Variants in ATP5F1C observed in about 807,000 individuals in gnomAD.
ATP5F1C encodes the protein ATP synthase F1 subunit gamma, also known as ATP synthase F(1) complex subunit gamma, mitochondrial.
A neutral mutation model predicts 37.4 loss-of-function variants in ATP5F1C; 22 were observed. The observed-to-expected ratio is 0.59, with a 90% confidence interval of 0.42 to 0.84. ATP5F1C has a LOEUF of 0.84. ATP5F1C is among the 40% of genes least tolerant of loss of function. The pLI is 0.00. For missense variants in ATP5F1C, 286 were observed against 362.4 expected, an observed-to-expected ratio of 0.79 and a Z score of 1.71; for synonymous variants, 121 against 128.0, an observed-to-expected ratio of 0.95 and a Z score of 0.37.
chr10:7,806,623 C>A (rs1836487006), intron 8 of ATP5F1C, among the ~76,000 whole-genome samples: 1 of 149,284 alleles, frequency 6.7e-6, no homozygotes. Context: ...CACTGCACTC[C>A]AGCCTGGGCA....
chr10:7,789,761 TA>T (rs1350427914), intron 1 of ATP5F1C, among the ~76,000 whole-genome samples: 1 of 152,362 alleles, frequency 6.6e-6, no homozygotes, highest in African/African-American at 2.4e-5. Context: ...AGTTGATCTT[TA>T]AAAAAGTGGA....
rs769532551 is a variant in ATP5F1C, at chr10:7,788,194, G to A, written c.-14G>A. On this transcript the variant is annotated 5_prime_UTR_variant, in exon 1 of 10. Transcript: ENST00000356708. ...AGGCCTGCCTGACCGACCTTCAGCA[G>A]GGCTGTGGCTACCATGTTCTCTCGC... 5 of 1,612,924 alleles carry A rather than the reference G, an allele frequency of 3.1e-6. No homozygotes were observed. The African/African-American group carries it at 5.3e-5, about 17-fold the overall frequency.
intron 1 of ATP5F1C, among the ~76,000 whole-genome samples, chr10:7,788,828 T>C (rs914722019): frequency 1.2e-4 from 18 of 151,766 alleles, no homozygotes; most frequent in Non-Finnish European, 1.0e-4. Context: ...GCGAACATCC[T>C]AGATGCCTCT....
intron 8 of ATP5F1C, among the ~76,000 whole-genome samples, chr10:7,806,204 AC>A (rs1836476925): frequency 1.3e-5 from 2 of 152,238 alleles, no homozygotes; most frequent in South Asian, 4.1e-4. Context: ...ATGCTCTGTA[AC>A]CTATCAGTTA....
chr10:7,804,028 AT>A (rs1422002701), intron 8 of ATP5F1C: 1 of 513,558 alleles, frequency 1.9e-6, no homozygotes, highest in East Asian at 5.5e-5. Flanking sequence ...TGGTAACAGT[AT>A]TTGCCTTCAG....
intron 9 of ATP5F1C, among the ~76,000 whole-genome samples, 177 bp from the exon 10 acceptor site, chr10:7,807,482 A>C (rs1836505247): frequency 6.6e-6 from 1 of 152,230 alleles, no homozygotes; most frequent in African/African-American, 2.4e-5. Flanking sequence ...TTTTGACCTC[A>C]TGAACCCCAT....
intron 1 of ATP5F1C, among the ~76,000 whole-genome samples, chr10:7,791,297 T>A (rs1341037045): frequency 6.6e-6 from 1 of 151,048 alleles, no homozygotes; most frequent in Non-Finnish European, 1.5e-5. Flanking sequence ...AGACTCCATC[T>A]CAAAAACAAA....
At chr10:7,796,250 G>A in intron 2 of ATP5F1C, 95 bp downstream of exon 2, 1 of 1,108,042 alleles carries the variant, frequency 9.0e-7, no homozygotes, top group Non-Finnish European at 1.3e-6. Flanking sequence ...AGCCCATTGT[G>A]TATTTGATCA....
chr10:7,801,296 C>G (rs1213155215), intron 6 of ATP5F1C, among the ~76,000 whole-genome samples: 1 of 152,100 alleles, frequency 6.6e-6, no homozygotes, highest in Non-Finnish European at 1.5e-5. Context: ...ATTTTTTTCT[C>G]TCTTAATGAG....
At chr10:7,791,230 G>A (rs1297414015) in intron 1 of ATP5F1C, among the ~76,000 whole-genome samples, 1 of 151,968 alleles carries the variant, frequency 6.6e-6, no homozygotes, top group Non-Finnish European at 1.5e-5. Context: ...AACCCGGGAG[G>A]CGGAGGTTGC....
At chr10:7,788,987 T>G (rs1465361235) in intron 1 of ATP5F1C, among the ~76,000 whole-genome samples, 2 of 151,884 alleles carry the variant, frequency 1.3e-5, no homozygotes, top group Non-Finnish European at 2.9e-5. Flanking sequence ...AGGAGTTCGG[T>G]GGGCTTTTAA....
Position 7,807,696 on chromosome 10 carries a change from AGCTTACT to A in ATP5F1C, c.*72_*78del. 1 of 1,605,556 alleles carries A rather than the reference AGCTTACT, an allele frequency of 6.2e-7. No homozygotes were observed. The highest frequency in any genetic ancestry group is 8.5e-7 in the Non-Finnish European group (1 of 1,174,984). ...AATTCAGCCAGTTGATTTTGTTTTT[AGCTTACT>A]GCTGCCTTTGTCCGAAGAAACTGTT... On this transcript the variant is annotated 3_prime_UTR_variant, in exon 10 of 10. Coordinates refer to ENST00000356708, the MANE Select transcript of ATP5F1C (RefSeq NM_001001973.3).
rs538699137 is a variant in ATP5F1C at position 7,796,814 on chromosome 10, G to A, written c.92-233G>A. On this transcript the variant is annotated intron_variant, in intron 2 of 9. Coordinates refer to ENST00000356708, the MANE Select transcript of ATP5F1C (RefSeq NM_001001973.3). ...TTAGCCAAGATGGTCTTGATCTCCT[G>A]ACCTCGTGATCCGCCCACCTCAGCC... 3.1e-4 allele frequency: 101 copies of A among 322,862 alleles called. 1 individual carries two copies. The highest frequency in any genetic ancestry group is 4.8e-4 in the Non-Finnish European group (84 of 175,368). 20.0% of individuals were successfully genotyped at this position (322,862 alleles called of 1,614,324 possible).
At chr10:7,797,252 A>C (rs1166844363) in intron 3 of ATP5F1C, 74 bp downstream of exon 3, 4 of 1,561,164 alleles carry the variant, frequency 2.6e-6, no homozygotes, top group Non-Finnish European at 3.5e-6. Flanking sequence ...ACTTACATTT[A>C]GAGCTTACAG....
At chr10:7,791,584 C>T (rs1378458698) in intron 1 of ATP5F1C, among the ~76,000 whole-genome samples, 2 of 152,210 alleles carry the variant, frequency 1.3e-5, no homozygotes, top group African/African-American at 4.8e-5. Flanking sequence ...GCTGTGGAAT[C>T]ATGGTAGATA....
chr10:7,802,911 C>A, intron 8 of ATP5F1C, 57 bp downstream of exon 8: 1 of 1,474,574 alleles, frequency 6.8e-7, no homozygotes, highest in Non-Finnish European at 9.3e-7. Context: ...GCTGTGTCTG[C>A]TTGTTTGGAT....
At chr10:7,790,407 C>G (rs1291099751) in intron 1 of ATP5F1C, among the ~76,000 whole-genome samples, 1 of 151,876 alleles carries the variant, frequency 6.6e-6, no homozygotes, top group African/African-American at 2.4e-5. Context: ...TTTAAAGCAG[C>G]ATATAAGAAA....
chr10:7,804,359 CTTACCA>C (rs1836433029), intron 8 of ATP5F1C, among the ~76,000 whole-genome samples: 1 of 152,218 alleles, frequency 6.6e-6, no homozygotes, highest in African/African-American at 2.4e-5. Context: ...AGTCCAGTCT[CTTACCA>C]TTACCATTTC....
At chr10:7,802,734 G>A in intron 7 of ATP5F1C, 24 bp from the exon 8 acceptor site, 1 of 1,598,062 alleles carries the variant, frequency 6.3e-7, no homozygotes, top group East Asian at 2.2e-5. Flanking sequence ...GATTTTTTAT[G>A]TAGTGTTTTT....
Sources: gnomAD v4.1 joint callset for allele counts (sites outside exome capture counted in the v4.1 genomes callset) on GRCh38, gnomAD v4.1.1 for gene constraint, MANE v1.5 for transcripts, NCBI Gene and HGNC (gene_info 2026-07-23, HGNC 2026-07-21) for gene names.